CCDC144A: variants seen among roughly 807,000 people sequenced by gnomAD.
The protein encoded by CCDC144A is coiled-coil domain-containing protein 144A.
In CCDC144A, 41 loss-of-function variants were observed where a neutral mutation model predicts 143.8. The observed-to-expected ratio is 0.29, with a 90% CI of 0.22 to 0.37. The LOEUF is 0.37. Ranked by LOEUF, CCDC144A falls within the 10% of genes least tolerant of loss-of-function variation. CCDC144A has a pLI of 1.00. For missense variants in CCDC144A, 637 were observed against 1,488.8 expected, an observed-to-expected ratio of 0.43 and a Z score of 9.41; for synonymous variants, 242 against 517.9, an observed-to-expected ratio of 0.47 and a Z score of 7.23.
At chr17:16,747,712 C>T (rs1366863012) in intron 12 of CCDC144A, among the ~76,000 whole-genome samples, 3 of 152,054 alleles carry the variant, frequency 2.0e-5, no homozygotes, top group Admixed American at 6.5e-5. Flanking sequence ...GGATTACATT[C>T]TTGATTTGTC....
chr17:16,682,605 C>CA, the CCDC144A span, among the ~76,000 whole-genome samples: 6 of 151,772 alleles, frequency 4.0e-5, 1 homozygote. Context: ...AAAAAAACAG[C>CA]AAAAAAGGAC....
upstream of CCDC144A, chr17:16,689,741 A>C (rs1910930921): frequency 6.6e-6 from 1 of 152,354 alleles, no homozygotes; most frequent in Admixed American, 6.5e-5. Flanking sequence ...CTGGGCGGGC[A>C]GCGGCGTCGG....
chr17:16,761,020 A>G (rs1915334530), intron 12 of CCDC144A, among the ~76,000 whole-genome samples: 1 of 148,704 alleles, frequency 6.7e-6, no homozygotes. Context: ...ATTGCAACTG[A>G]ATTTATTTCA....
chr17:16,757,191 A>G (rs1915130894), intron 12 of CCDC144A, among the ~76,000 whole-genome samples: 1 of 152,278 alleles, frequency 6.6e-6, no homozygotes, highest in Non-Finnish European at 1.5e-5. Context: ...TGGAGATGAC[A>G]GTAGCAGCTG....
intron 15 of CCDC144A, among the ~76,000 whole-genome samples, chr17:16,768,135 C>T (rs1320797483): frequency 6.6e-6 from 1 of 152,234 alleles, no homozygotes; most frequent in African/African-American, 2.4e-5. Flanking sequence ...GTCCTGCAGA[C>T]CTTCCTCTGG....
chr17:16,740,270 G>A (rs549175014), intron 12 of CCDC144A, among the ~76,000 whole-genome samples: 17 of 152,170 alleles, frequency 1.1e-4, no homozygotes, highest in African/African-American at 4.1e-4. Context: ...GTACACTCCC[G>A]GAGCTGAATC....
rs1484094919 is a variant in CCDC144A, at chr17:16,709,500, A to T, written c.1443A>T (p.Pro481=). 6.2e-7 allele frequency: 1 copy of T among 1,611,516 alleles called. No individual in the cohort carries two copies. The highest frequency in any genetic ancestry group is 1.3e-5 in the African/African-American group (1 of 74,846). The change falls in exon 5 of 17, where the codon CCA becomes CCT. Residue 481 remains proline (P), a synonymous_variant. Transcript: ENST00000399273. ...PKLENLSSLP[P]DSDRTSEVYL... is the part of the protein sequence containing the mutation. ...TAGAAAATCTGAGTTCTTTACCACC[A>T]GATTCTGACAGAACATCAGAAGTAT...
chr17:16,690,507 G>C lies in CCDC144A; in HGVS notation c.107G>C (p.Trp36Ser). 3 of 1,611,272 alleles carry C rather than the reference G, an allele frequency of 1.9e-6. No homozygotes were observed. Among genetic ancestry groups the C allele is most frequent in the Non-Finnish European group, 2.5e-6 (3 of 1,178,838 alleles). ...TPSVGSQGDQ[W>S]YLGYPGDQWS... ...AGCGTCGGGAGCCAGGGGGACCAGT[G>C]GTACTTGGGCTACCCGGGGGACCAG... The change falls in exon 1 of 17, where the codon TGG becomes TCG. Residue 36 changes from tryptophan (W) to serine (S), a missense_variant. Trp to Ser is a radical substitution (Grantham distance 177). Transcript: ENST00000399273.
chr17:16,698,172 C>T (rs1211394510), intron 2 of CCDC144A, among the ~76,000 whole-genome samples: 7 of 152,086 alleles, frequency 4.6e-5, no homozygotes, highest in Admixed American at 4.6e-4. Flanking sequence ...GAGCAGAGGG[C>T]CAGTGACAGA....
chr17:16,708,751 A>G, intron 4 of CCDC144A, 45 bp from the exon 5 acceptor site: 1 of 1,610,880 alleles, frequency 6.2e-7, no homozygotes. Flanking sequence ...GAAGACACCC[A>G]AGAAATAAAA....
At chr17:16,733,068 G>T (rs2143239961) in intron 11 of CCDC144A, among the ~76,000 whole-genome samples, 1 of 151,918 alleles carries the variant, frequency 6.6e-6, no homozygotes, top group East Asian at 1.9e-4. Flanking sequence ...TTGTAGTAAG[G>T]ATGAAATGTA....
At chr17:16,742,991 A>G (rs1914329992) in intron 12 of CCDC144A, among the ~76,000 whole-genome samples, 1 of 152,124 alleles carries the variant, frequency 6.6e-6, no homozygotes, top group African/African-American at 2.4e-5. Context: ...ATAGATTTGT[A>G]AATATTTTCT....
chr17:16,684,941 G>A (rs1910727902), upstream of CCDC144A, among the ~76,000 whole-genome samples: 5 of 152,280 alleles, frequency 3.3e-5, no homozygotes, highest in South Asian at 2.1e-4. Context: ...TAGCCTGGGC[G>A]ACAGAGCGAG....
chr17:16,688,779 C>CG (rs1242820281), upstream of CCDC144A, among the ~76,000 whole-genome samples: 2 of 152,072 alleles, frequency 1.3e-5, no homozygotes, highest in Admixed American at 6.6e-5. Context: ...GGAGCCACTG[C>CG]GCCCGGCCAC....
At position 16,724,329 on chromosome 17, in the gene CCDC144A, A is replaced by G. The variant is rs1248869882; in HGVS notation, c.1892-3198A>G. Among the ~76,000 whole-genome samples, 5 of 152,108 alleles carry G rather than the reference A, an allele frequency of 3.3e-5. No individual in the cohort carries two copies. The South Asian group carries it at 6.2e-4, about 19-fold the overall frequency. ...GAGGCGGATGGATCACGAGGTCAGG[A>G]GATCGAGACCATCCTGACCAATACG... On this transcript the variant is annotated intron_variant, in intron 8 of 16. Coordinates refer to ENST00000399273, the MANE Select transcript of CCDC144A (RefSeq NM_001382000.1).
the CCDC144A span, among the ~76,000 whole-genome samples, chr17:16,678,691 C>T: frequency 6.7e-6 from 1 of 149,392 alleles, no homozygotes; most frequent in Admixed American, 6.7e-5. Context: ...GGCAATCGTG[C>T]CATCTCAGCC....
At position 16,746,629 on chromosome 17, in the gene CCDC144A, T is replaced by C. The variant is rs528523019; in HGVS notation, c.3372+10986T>C. ...CAGGATTCCTAAAATTAATGTATGC[T>C]CTTGAGTAGAGATGAGGATAAAGAC... On this transcript the variant is annotated intron_variant, in intron 12 of 16. Coordinates refer to ENST00000399273, the MANE Select transcript of CCDC144A (RefSeq NM_001382000.1). 1,356 of 1,612,892 alleles carry C rather than the reference T, an allele frequency of 8.4e-4. 1 individual carries two copies. The highest frequency in any genetic ancestry group is 2.2e-4 in the Non-Finnish European group (259 of 1,179,884).
chr17:16,708,774 T>C, intron 4 of CCDC144A, 22 bp from the exon 5 acceptor site: 1 of 1,611,474 alleles, frequency 6.2e-7, no homozygotes, highest in South Asian at 1.1e-5. Flanking sequence ...AGCAAATTAA[T>C]CTTCCACTTT....
the CCDC144A span, among the ~76,000 whole-genome samples, chr17:16,667,347 A>AGCTGAGGGGCTGAGGCG: frequency 8.4e-6 from 1 of 119,726 alleles, no homozygotes; most frequent in Non-Finnish European, 1.8e-5. Flanking sequence ...GCGGCTGAGG[A>AGCTGAGGGGCTGAGGCG]GCTGAGGGGC....
Sources: gnomAD v4.1 joint callset for allele counts (sites outside exome capture counted in the v4.1 genomes callset) on GRCh38, gnomAD v4.1.1 for gene constraint, MANE v1.5 for transcripts, NCBI Gene and HGNC (gene_info 2026-07-23, HGNC 2026-07-21) for gene names.